TRHDE: variants seen among roughly 807,000 people sequenced by gnomAD.
TRHDE encodes thyrotropin releasing hormone degrading enzyme.
TRHDE carries 72 observed loss-of-function variants against 125.7 expected under a neutral mutation model. That is an observed-to-expected ratio of 0.57 (90% CI 0.47 to 0.70). The LOEUF is 0.70. Among genes scored for constraint, TRHDE ranks in the 30% least tolerant of loss-of-function variants. The pLI, the probability that TRHDE is intolerant of heterozygous loss-of-function variation, is 0.00. For synonymous variants in TRHDE, 509 were observed against 509.1 expected (o/e 1.00, Z 0.00); for missense variants, 1,110 against 1,327.1 (o/e 0.84, Z 2.54).
chr12:72,133,104 T>A (rs560696417), intron 2 of TRHDE, among the ~76,000 whole-genome samples: 1 of 152,286 alleles, frequency 6.6e-6, no homozygotes, highest in African/African-American at 2.4e-5. Flanking sequence ...TGGGGAGACA[T>A]TGAAAGCTTT....
intron 2 of TRHDE, among the ~76,000 whole-genome samples, chr12:72,208,477 GCTCAGT>G (rs559100270): frequency 1.2e-3 from 187 of 152,308 alleles, no homozygotes; most frequent in African/African-American, 3.5e-3. Flanking sequence ...GAAGAGATGA[GCTCAGT>G]CATTGCAGCC....
chr12:72,640,087 A>G (rs899472516), intron 15 of TRHDE, among the ~76,000 whole-genome samples: 16 of 151,908 alleles, frequency 1.1e-4, no homozygotes, highest in South Asian at 8.3e-4. Flanking sequence ...GCAATGGTGG[A>G]CGCCCCTCCC....
intron 2 of TRHDE, among the ~76,000 whole-genome samples, chr12:72,161,685 A>T (rs1301742256): frequency 6.6e-6 from 1 of 152,198 alleles, no homozygotes; most frequent in Non-Finnish European, 1.5e-5. Context: ...ATTTGAGAAC[A>T]TATCCTGCTT....
intron 15 of TRHDE, among the ~76,000 whole-genome samples, chr12:72,637,850 T>G (rs1270416410): frequency 6.6e-6 from 1 of 151,528 alleles, no homozygotes; most frequent in Non-Finnish European, 1.5e-5. Flanking sequence ...CTAGTTTGAT[T>G]GCACTGTGGT....
At chr12:72,203,305 C>CA (rs1877598705) in intron 2 of TRHDE, among the ~76,000 whole-genome samples, 1 of 151,790 alleles carries the variant, frequency 6.6e-6, no homozygotes, top group Admixed American at 6.6e-5. Flanking sequence ...ACTAAAAAAT[C>CA]AAAAAACAAA....
chr12:72,127,767 A>G (rs1875750355), intron 2 of TRHDE, among the ~76,000 whole-genome samples: 1 of 152,190 alleles, frequency 6.6e-6, no homozygotes, highest in Non-Finnish European at 1.5e-5. Flanking sequence ...AAACCCCTGC[A>G]TCACACAATA....
intron 2 of TRHDE, among the ~76,000 whole-genome samples, chr12:72,368,145 G>A (rs1395048184): frequency 6.6e-6 from 1 of 152,104 alleles, no homozygotes; most frequent in Non-Finnish European, 1.5e-5. Flanking sequence ...TAGACAGAGA[G>A]ATTTAGTTTC....
rs1348923777 is a variant in TRHDE, at chr12:72,665,519, A to C, written c.*2324A>C. On this transcript the variant is annotated 3_prime_UTR_variant, in exon 19 of 19. Transcript: ENST00000261180. The stretch of plus-strand genomic sequence containing the variant: ...ATTTATTCTTTCTAATGTTGAAATT[A>C]TATCAGGCTTTACCGGTTTTTTTAG... The C allele has an allele frequency of 2.0e-5, 3 of 152,474 alleles. No homozygotes were observed. In the Admixed American group the frequency reaches 2.0e-4, roughly 10 times the overall value. 9.4% of individuals were successfully genotyped at this position (152,474 alleles called of 1,614,324 possible). A position where few individuals can be genotyped will look rare whatever the true frequency, so the allele number is the denominator to read the frequency against.
chr12:72,374,332 TGA>T (rs1555180778), intron 2 of TRHDE, among the ~76,000 whole-genome samples: 1 of 142,434 alleles, frequency 7.0e-6, no homozygotes, highest in Admixed American at 7.2e-5. Context: ...TGTGTGTGTG[TGA>T]TATCAGGAGT....
chr12:72,602,044 A>G (rs1336833907), intron 12 of TRHDE, among the ~76,000 whole-genome samples: 4 of 152,160 alleles, frequency 2.6e-5, no homozygotes, highest in Admixed American at 1.3e-4. Context: ...CTAATTGAAT[A>G]TCCTATCAGA....
chr12:72,593,262 C>T (rs1483035876), intron 12 of TRHDE, among the ~76,000 whole-genome samples: 2 of 152,082 alleles, frequency 1.3e-5, no homozygotes, highest in African/African-American at 4.8e-5. Flanking sequence ...AAAGGGAAAC[C>T]TCACCCCTAT....
In TRHDE at chr12:72,542,873, TAC is replaced by T. The variant is rs1414483808; in HGVS notation, c.1788+519_1788+520del. ...TTTTCTTAAAAAAGGAAGAAAAAGA[TAC>T]AGTTTTTATCATAATGTGTTTAGAG... On this transcript the variant is annotated intron_variant, in intron 7 of 18. Coordinates refer to ENST00000261180, the MANE Select transcript of TRHDE (RefSeq NM_013381.3). 7.3e-5 allele frequency among the ~76,000 whole-genome samples: 11 copies of T among 151,478 alleles called. No individual in the cohort carries two copies. The East Asian group carries it at 2.1e-3, about 29-fold the overall frequency.
intron 5 of TRHDE, among the ~76,000 whole-genome samples, chr12:72,487,042 G>T (rs941795807): frequency 2.0e-5 from 3 of 151,884 alleles, no homozygotes; most frequent in African/African-American, 2.4e-5. Context: ...TTCAGCTGCA[G>T]ACTAGAACAA....
intron 3 of TRHDE, among the ~76,000 whole-genome samples, chr12:72,467,727 A>G (rs1358869520): frequency 6.6e-6 from 1 of 152,202 alleles, no homozygotes; most frequent in Non-Finnish European, 1.5e-5. Flanking sequence ...AGGCAACAGA[A>G]TCGCTTGAAC....
At chr12:72,132,164 C>T (rs113890121) in intron 2 of TRHDE, among the ~76,000 whole-genome samples, 4 of 152,246 alleles carry the variant, frequency 2.6e-5, no homozygotes, top group East Asian at 3.9e-4. Flanking sequence ...TTGCAGCCTG[C>T]GCTACCTTAA....
chr12:72,272,167 A>G, upstream of TRHDE: 1 of 456,388 alleles, frequency 2.2e-6, no homozygotes. This position sits in a 1 kb window ranked among gnomAD's most constrained non-coding sequence, Gnocchi z 6.7. Flanking sequence ...CCGCCGCTGG[A>G]GTGGGGGGAG....
At chr12:72,585,235 C>A (rs1022242305) in intron 12 of TRHDE, among the ~76,000 whole-genome samples, 2 of 152,024 alleles carry the variant, frequency 1.3e-5, no homozygotes, top group South Asian at 2.1e-4. Context: ...AAATTCATTT[C>A]GTCTTTTCTC....
intron 18 of TRHDE, among the ~76,000 whole-genome samples, chr12:72,661,194 A>G (rs1874904064): frequency 6.6e-6 from 1 of 152,162 alleles, no homozygotes; most frequent in Non-Finnish European, 1.5e-5. Flanking sequence ...TTGCAGGATA[A>G]TCCAACCTAC....
At position 72,621,866 on chromosome 12, in the gene TRHDE, T is replaced by A. The variant is rs144062804; in HGVS notation, c.2675+115T>A. On this transcript the variant is annotated intron_variant, in intron 15 of 18. Transcript: ENST00000261180. ...AACAAGATAAGGAAAAACAAAAGCA[T>A]GCAGCAACATTTTGTGTCAGGTTCA... 181 of 749,296 alleles carry A rather than the reference T, an allele frequency of 2.4e-4. No homozygotes were observed. The African/African-American group carries it at 2.9e-3, about 12-fold the overall frequency. 46.4% of individuals were successfully genotyped at this position (749,296 alleles called of 1,614,324 possible).
Sources: gnomAD v4.1 joint callset for allele counts (sites outside exome capture counted in the v4.1 genomes callset) on GRCh38, gnomAD v4.1.1 for gene constraint, Gnocchi (gnomAD v3.1) non-coding constraint, MANE v1.5 for transcripts, NCBI Gene and HGNC (gene_info 2026-07-23, HGNC 2026-07-21) for gene names.